The following THSD7B variants were observed in gnomAD, a reference collection of about 807,000 sequenced individuals.
THSD7B encodes thrombospondin type-1 domain-containing protein 7B.
In THSD7B, 138 loss-of-function variants were observed where a neutral mutation model predicts 213.6. The observed-to-expected ratio is 0.65, with a 90% CI of 0.56 to 0.74. The LOEUF (loss-of-function observed/expected upper bound fraction) is 0.74, where lower values mean the gene tolerates loss of function less well. THSD7B is among the 30% of genes least tolerant of loss of function. The pLI is 0.00. For missense variants in THSD7B, 1,931 were observed against 1,991.5 expected, an observed-to-expected ratio of 0.97 and a Z score of 0.58; for synonymous variants, 742 against 687.0, an observed-to-expected ratio of 1.08 and a Z score of -1.25.
chr2:137,230,743 T>C (rs948665619), intron 7 of THSD7B, among the ~76,000 whole-genome samples: 5 of 152,178 alleles, frequency 3.3e-5, no homozygotes, highest in African/African-American at 1.2e-4. Flanking sequence ...GAAAAGCATA[T>C]ACTTGTTATA....
At chr2:137,235,668 G>A (rs1474431659) in intron 9 of THSD7B, among the ~76,000 whole-genome samples, 4 of 152,166 alleles carry the variant, frequency 2.6e-5, no homozygotes, top group Non-Finnish European at 5.9e-5. Flanking sequence ...AGGAACAGAA[G>A]TTTGTAGTTT....
chr2:137,325,951 C>T (rs1684366122), intron 12 of THSD7B, among the ~76,000 whole-genome samples: 1 of 152,180 alleles, frequency 6.6e-6, no homozygotes, highest in African/African-American at 2.4e-5. Context: ...CATATCTTCC[C>T]AGTGTCTTCT....
chr2:136,864,546 T>C (rs1220149248), intron 1 of THSD7B, among the ~76,000 whole-genome samples: 1 of 152,176 alleles, frequency 6.6e-6, no homozygotes, highest in Non-Finnish European at 1.5e-5. Context: ...TATCATTTTC[T>C]ATATTTTCTT....
intron 14 of THSD7B, among the ~76,000 whole-genome samples, chr2:137,432,213 A>T (rs1039788426): frequency 1.3e-5 from 2 of 152,104 alleles, no homozygotes; most frequent in Non-Finnish European, 2.9e-5. Flanking sequence ...CAACGTGGTG[A>T]AACCCCGTTT....
rs184788038 is a variant in THSD7B at position 136,992,179 on chromosome 2, A to G, written c.140-64241A>G. Among the ~76,000 whole-genome samples the G allele has an allele frequency of 1.3e-3, 199 of 152,356 alleles. 2 individuals are homozygous for G. Among genetic ancestry groups the G allele is most frequent in the African/African-American group, 3.8e-3 (157 of 41,588 alleles). ...CAGATCAACCAAGATAAAAAGCCTGACTAAACTGTCTTTGTTTCACAATAA... is the reference window on the plus strand; with the variant it reads ...CAGATCAACCAAGATAAAAAGCCTGGCTAAACTGTCTTTGTTTCACAATAA... On this transcript the variant is annotated intron_variant, in intron 2 of 27. Transcript: ENST00000409968.
At chr2:137,402,279 A>C (rs1239262283) in intron 12 of THSD7B, among the ~76,000 whole-genome samples, 3 of 152,140 alleles carry the variant, frequency 2.0e-5, no homozygotes, top group African/African-American at 7.2e-5. Flanking sequence ...CTACCGTTTG[A>C]CTACAATATG....
intron 15 of THSD7B, among the ~76,000 whole-genome samples, chr2:137,533,991 T>C (rs1417213587): frequency 7.0e-6 from 1 of 143,748 alleles, no homozygotes; most frequent in Non-Finnish European, 1.5e-5. Flanking sequence ...TAACTGCCCG[T>C]GCACATGTAT....
chr2:137,646,110 C>T (rs1273040079), intron 21 of THSD7B, among the ~76,000 whole-genome samples: 14 of 152,154 alleles, frequency 9.2e-5, no homozygotes, highest in East Asian at 1.9e-4. Context: ...AATGTGGGAA[C>T]GACTGTGTGC....
At chr2:137,131,659 T>C (rs1164122971) in intron 5 of THSD7B, among the ~76,000 whole-genome samples, 2 of 152,224 alleles carry the variant, frequency 1.3e-5, no homozygotes, top group African/African-American at 2.4e-5. Flanking sequence ...TTGCTTGTTT[T>C]TGTCAGATTT....
rs538677565 is a variant in THSD7B at position 136,868,115 on chromosome 2, C to T, written c.-35-14029C>T. On this transcript the variant is annotated intron_variant, in intron 1 of 27. Coordinates refer to ENST00000409968, the MANE Select transcript of THSD7B (RefSeq NM_001316349.2). Reference sequence around the variant, plus strand: ...ACACACCACACCACACACACACACGCGCGCGCACACACACACACACACACA... The same window carrying T: ...ACACACCACACCACACACACACACGTGCGCGCACACACACACACACACACA... 1.9e-4 allele frequency among the ~76,000 whole-genome samples: 26 copies of T among 139,364 alleles called. No individual in the cohort carries two copies. The East Asian group carries it at 3.7e-3, about 20-fold the overall frequency. The allele number at this position is 139,364 out of a possible 152,430, so 91.4% of individuals were successfully genotyped here.
chr2:136,861,483 C>A (rs1313974459), intron 1 of THSD7B, among the ~76,000 whole-genome samples: 2 of 152,140 alleles, frequency 1.3e-5, no homozygotes, highest in Non-Finnish European at 2.9e-5. Flanking sequence ...ACATGGGAGG[C>A]AATAGTGTTT....
At chr2:137,546,564 CTCTT>C (rs1008299167) in intron 15 of THSD7B, among the ~76,000 whole-genome samples, 7 of 129,796 alleles carry the variant, frequency 5.4e-5, no homozygotes, top group African/African-American at 1.2e-4. Context: ...CTTTCTTTCT[CTCTT>C]TCTTTCTTTT....
intron 14 of THSD7B, among the ~76,000 whole-genome samples, chr2:137,448,068 G>A (rs371756798): frequency 6.6e-6 from 1 of 152,212 alleles, no homozygotes; most frequent in East Asian, 1.9e-4. Flanking sequence ...TTGAAAATAG[G>A]TGGAGGCTTG....
chr2:136,933,152 C>A (rs1227196794), intron 2 of THSD7B, among the ~76,000 whole-genome samples: 1 of 91,876 alleles, frequency 1.1e-5, no homozygotes, highest in Non-Finnish European at 3.1e-5. Context: ...TCCTTCCTTC[C>A]TTCCTTCCTT....
chr2:137,162,683 T>C (rs1349868161), intron 6 of THSD7B, among the ~76,000 whole-genome samples: 1 of 152,114 alleles, frequency 6.6e-6, no homozygotes, highest in Non-Finnish European at 1.5e-5. Flanking sequence ...GCTTTCTTTC[T>C]TTTTCTTTCC....
chr2:137,182,732 C>T (rs992375556), intron 7 of THSD7B, among the ~76,000 whole-genome samples: 1 of 152,134 alleles, frequency 6.6e-6, no homozygotes, highest in Non-Finnish European at 1.5e-5. Context: ...TTCCTGGACT[C>T]ATTTTACGTC....
At chr2:137,419,377 T>TTTTTTTTTTTTTTTGAGACGGA (rs1386654895) in intron 14 of THSD7B, among the ~76,000 whole-genome samples, 1 of 77,178 alleles carries the variant, frequency 1.3e-5, no homozygotes, top group Non-Finnish European at 3.5e-5. Flanking sequence ...CCTGAGTTCT[T>TTTTTTTTTTTTTTTGAGACGGA]GTCCCACATC....
chr2:136,877,556 A>G (rs1683544678), intron 1 of THSD7B, among the ~76,000 whole-genome samples: 1 of 152,132 alleles, frequency 6.6e-6, no homozygotes, highest in South Asian at 2.1e-4. Context: ...GTTGCTTTTT[A>G]CTTCTCATCC....
intron 12 of THSD7B, among the ~76,000 whole-genome samples, chr2:137,361,751 G>A (rs531067433): frequency 5.2e-4 from 79 of 152,212 alleles, no homozygotes; most frequent in African/African-American, 1.9e-3. Flanking sequence ...CCAAATCTAC[G>A]TTTGATTGGT....
Sources: allele counts gnomAD v4.1 joint callset (sites outside exome capture counted in the v4.1 genomes callset), GRCh38; gene constraint gnomAD v4.1.1; transcripts MANE v1.5; gene names NCBI Gene and HGNC (gene_info 2026-07-23, HGNC 2026-07-21).